TMEM132C: variants seen among roughly 807,000 people sequenced by gnomAD.
TMEM132C encodes transmembrane protein 132C.
TMEM132C carries 29 observed loss-of-function variants against 61.4 expected under a neutral mutation model. The observed-to-expected ratio is 0.47, with a 90% CI of 0.35 to 0.64. The LOEUF (loss-of-function observed/expected upper bound fraction) is 0.64. Among genes scored for constraint, TMEM132C ranks in the 30% least tolerant of loss-of-function variants. The pLI is 0.00. For synonymous variants in TMEM132C, 656 were observed against 633.1 expected, an observed-to-expected ratio of 1.04 and a Z score of -0.54; for missense variants, 1,408 against 1,476.9, an observed-to-expected ratio of 0.95 and a Z score of 0.76.
chr12:128,459,366 G>A (rs1434019841), intron 2 of TMEM132C, among the ~76,000 whole-genome samples: 2 of 152,210 alleles, frequency 1.3e-5, no homozygotes, highest in Admixed American at 1.3e-4. Flanking sequence ...AGGAGGGCCT[G>A]AATGAGCTCA....
At chr12:128,486,259 C>T (rs1220370941) in intron 2 of TMEM132C, among the ~76,000 whole-genome samples, 1 of 152,074 alleles carries the variant, frequency 6.6e-6, no homozygotes, top group Non-Finnish European at 1.5e-5. Flanking sequence ...TATTCAGAGC[C>T]CTTGGTGACT....
At chr12:128,450,848 C>G (rs1398010030) in intron 2 of TMEM132C, among the ~76,000 whole-genome samples, 2 of 152,158 alleles carry the variant, frequency 1.3e-5, no homozygotes, top group Non-Finnish European at 2.9e-5. Context: ...TTATTTTTCT[C>G]CTTATTTTTC....
At chr12:128,277,727 T>C (rs540713749) in intron 1 of TMEM132C, among the ~76,000 whole-genome samples, 67 of 152,324 alleles carry the variant, frequency 4.4e-4, no homozygotes, top group African/African-American at 1.5e-3. Flanking sequence ...CAAAAGCCAC[T>C]GGATGGCCAC....
At chr12:128,407,129 T>C (rs1875372766) in intron 1 of TMEM132C, among the ~76,000 whole-genome samples, 1 of 152,180 alleles carries the variant, frequency 6.6e-6, no homozygotes, top group Non-Finnish European at 1.5e-5. Context: ...GGGAGGAAAC[T>C]GGTGGGAGGT....
At chr12:128,633,723 C>A (rs1396141344) in intron 4 of TMEM132C, among the ~76,000 whole-genome samples, 1 of 152,190 alleles carries the variant, frequency 6.6e-6, no homozygotes, top group East Asian at 1.9e-4. Flanking sequence ...CTGATTCTCA[C>A]ATGGAAATCT....
chr12:128,621,596 A>G (rs151253824), intron 4 of TMEM132C, among the ~76,000 whole-genome samples: 97 of 152,314 alleles, frequency 6.4e-4, no homozygotes, highest in African/African-American at 2.2e-3. Flanking sequence ...AGCCTGAGGA[A>G]CTATGAGAGA....
At chr12:128,355,120 T>A (rs1178651309) in intron 1 of TMEM132C, among the ~76,000 whole-genome samples, 1 of 152,134 alleles carries the variant, frequency 6.6e-6, no homozygotes, top group East Asian at 1.9e-4. Flanking sequence ...GAGAAAACCC[T>A]TTTGAGATAT....
At position 128,475,816 on chromosome 12, in the gene TMEM132C, C is replaced by T. The variant is rs1320470428; in HGVS notation, c.974+60196C>T. Among the ~76,000 whole-genome samples the T allele has an allele frequency of 9.2e-5, 14 of 152,144 alleles. No homozygotes were observed. In the East Asian group the frequency reaches 2.3e-3, roughly 25 times the overall value. On this transcript the variant is annotated intron_variant, in intron 2 of 8. Coordinates refer to ENST00000435159, the MANE Select transcript of TMEM132C (RefSeq NM_001136103.3). ...ACAGAAGCCTCCCAGCAGTCCTGTA[C>T]GAGGTAGACCCTGGGCCACCCCTTT...
chr12:128,312,334 G>A (rs1871999451), intron 1 of TMEM132C, among the ~76,000 whole-genome samples: 1 of 152,102 alleles, frequency 6.6e-6, no homozygotes, highest in South Asian at 2.1e-4. Flanking sequence ...TTGAGACAAG[G>A]TCTTGCTCTG....
At chr12:128,425,476 T>C (rs1869148530) in intron 2 of TMEM132C, among the ~76,000 whole-genome samples, 3 of 152,230 alleles carry the variant, frequency 2.0e-5, no homozygotes. Context: ...CGACCACCAC[T>C]GCGCAGTTTG....
chr12:128,476,779 G>A (rs551846103), intron 2 of TMEM132C, among the ~76,000 whole-genome samples: 1 of 152,314 alleles, frequency 6.6e-6, no homozygotes, highest in South Asian at 2.1e-4. Context: ...TTGGGCCCAA[G>A]TGACGGAACT....
At position 128,415,520 on chromosome 12, in the gene TMEM132C, G is replaced by A. The variant is rs950136689; in HGVS notation, c.874G>A (p.Val292Met). 16 of 1,551,396 alleles carry A rather than the reference G, an allele frequency of 1.0e-5. No individual in the cohort carries two copies. Among genetic ancestry groups the A allele is most frequent in the African/African-American group, 8.2e-5 (6 of 73,038 alleles). Residue 292 changes from valine to methionine, a missense_variant, in exon 2 of 9, where the codon GTG becomes ATG. Transcript: ENST00000435159. This position sits in a 1 kb window ranked among gnomAD's most constrained non-coding sequence, Gnocchi z 5.8. ...QLSELRLDGN[V>M]VIWLPSRPVK... ...CAGCGAGCTGCGTTTGGATGGTAACGTGGTCATCTGGCTGCCTTCCAGGCC... is the reference window on the plus strand; with the variant it reads ...CAGCGAGCTGCGTTTGGATGGTAACATGGTCATCTGGCTGCCTTCCAGGCC...
chr12:128,574,629 C>A (rs989446122), intron 3 of TMEM132C, among the ~76,000 whole-genome samples: 1 of 152,180 alleles, frequency 6.6e-6, no homozygotes, highest in African/African-American at 2.4e-5. Flanking sequence ...AGGCGAGAGA[C>A]TTCAGTTCCG....
rs1043769550 is a variant in TMEM132C at position 128,705,572 on chromosome 12, G to A, written c.2604G>A (p.Val868=). 1 of 1,551,218 alleles carries A rather than the reference G, an allele frequency of 6.4e-7. No individual in the cohort carries two copies. Reference sequence around the variant, plus strand: ...CCAGGTCCCTGCTGGACAACAAAGTGGTGAAGAACAGTCGGGCAGACGGGG... The same window carrying A: ...CCAGGTCCCTGCTGGACAACAAAGTAGTGAAGAACAGTCGGGCAGACGGGG... ...TTARSLLDNK[V]VKNSRADGGR... Residue 868 remains valine (V), a synonymous_variant, in exon 9 of 9, where the codon GTG becomes GTA. Coordinates refer to ENST00000435159, the MANE Select transcript of TMEM132C (RefSeq NM_001136103.3).
At chr12:128,342,521 C>T (rs1487675639) in intron 1 of TMEM132C, among the ~76,000 whole-genome samples, 1 of 152,148 alleles carries the variant, frequency 6.6e-6, no homozygotes, top group Non-Finnish European at 1.5e-5. Context: ...AGTGGATGCC[C>T]CTGGCCGAGG....
At chr12:128,548,015 C>T (rs1405611519) in intron 3 of TMEM132C, among the ~76,000 whole-genome samples, 4 of 152,204 alleles carry the variant, frequency 2.6e-5, no homozygotes, top group Non-Finnish European at 4.4e-5. Flanking sequence ...CTATTGATCC[C>T]CATACATAGA....
chr12:128,412,974 T>G (rs181730430), intron 1 of TMEM132C, among the ~76,000 whole-genome samples: 1 of 152,164 alleles, frequency 6.6e-6, no homozygotes, highest in African/African-American at 2.4e-5. Flanking sequence ...CATAGAGGTA[T>G]GAATGTTGTG....
intron 2 of TMEM132C, among the ~76,000 whole-genome samples, chr12:128,517,752 G>A (rs1358357265): frequency 6.6e-6 from 1 of 152,160 alleles, no homozygotes; most frequent in Non-Finnish European, 1.5e-5. Flanking sequence ...GCTTTACCCA[G>A]CAGCCATGTC....
intron 5 of TMEM132C, among the ~76,000 whole-genome samples, chr12:128,688,033 C>T (rs1051274127): frequency 5.9e-5 from 9 of 152,090 alleles, no homozygotes; most frequent in Non-Finnish European, 1.3e-4. Flanking sequence ...ACAGCCTTTC[C>T]GAGTGGCCCC....
Sources: allele counts gnomAD v4.1 joint callset (sites outside exome capture counted in the v4.1 genomes callset), GRCh38; gene constraint gnomAD v4.1.1; non-coding constraint Gnocchi (gnomAD v3.1); transcripts MANE v1.5; gene names NCBI Gene and HGNC (gene_info 2026-07-23, HGNC 2026-07-21).